Variants in NDUFAF6 observed in about 807,000 individuals in gnomAD.
NDUFAF6 encodes the protein NADH dehydrogenase (ubiquinone) complex I, assembly factor 6.
NDUFAF6 carries 45 observed loss-of-function variants against 40.8 expected under a neutral mutation model. That is an observed-to-expected ratio of 1.10 (90% CI 0.87 to 1.42). The LOEUF (loss-of-function observed/expected upper bound fraction) is 1.42. Ranked by LOEUF, NDUFAF6 falls within the 40% of genes most tolerant of loss-of-function variation. NDUFAF6 has a pLI of 0.00. For missense variants in NDUFAF6, 435 were observed against 418.5 expected (o/e 1.04, Z -0.34); for synonymous variants, 185 against 155.9 (o/e 1.19, Z -1.39).
chr8:94,920,672 C>T (rs1819438943), intron 1 of NDUFAF6, among the ~76,000 whole-genome samples: 1 of 152,194 alleles, frequency 6.6e-6, no homozygotes, highest in South Asian at 2.1e-4. Flanking sequence ...TCTGCCCAGG[C>T]ATGGGTGCTT....
At chr8:94,942,639 G>A (rs993122578) in intron 1 of NDUFAF6, among the ~76,000 whole-genome samples, 1 of 152,240 alleles carries the variant, frequency 6.6e-6, no homozygotes, top group African/African-American at 2.4e-5. Flanking sequence ...GGGCACAGGG[G>A]AGATGGCTGT....
At chr8:94,916,517 TA>T (rs1394761550) in intron 1 of NDUFAF6, among the ~76,000 whole-genome samples, 1 of 152,058 alleles carries the variant, frequency 6.6e-6, no homozygotes, top group Non-Finnish European at 1.5e-5. Flanking sequence ...TTCCACCTAT[TA>T]AAAAACAAAA....
At chr8:95,098,814 C>T (rs1377408591), upstream of NDUFAF6, among the ~76,000 whole-genome samples, 7 of 151,324 alleles carry the variant, frequency 4.6e-5, no homozygotes, top group Non-Finnish European at 7.4e-5. Context: ...CCCAGCTACC[C>T]GGCAGGCTGA....
chr8:95,083,525 A>G (rs73697066), intron 2 of NDUFAF6, among the ~76,000 whole-genome samples: 9,321 of 152,250 alleles, frequency 0.061, 892 homozygotes, highest in African/African-American at 0.21. Context: ...TTACTGTGCT[A>G]TGGTTCCCTT....
intron 2 of NDUFAF6, among the ~76,000 whole-genome samples, chr8:95,094,453 C>T (rs1395162120): frequency 1.5e-5 from 2 of 133,828 alleles, no homozygotes; most frequent in Non-Finnish European, 3.1e-5. Context: ...CACTCTGTTG[C>T]CCAGGCTGGA....
At chr8:95,030,294 T>G (rs1056136358) in intron 1 of NDUFAF6, among the ~76,000 whole-genome samples, 8 of 152,126 alleles carry the variant, frequency 5.3e-5, no homozygotes, top group African/African-American at 1.9e-4. Flanking sequence ...GGCATGATCA[T>G]AGCTCACTGT....
chr8:95,069,506 A>T (rs1489298047), intron 9 of NDUFAF6, among the ~76,000 whole-genome samples: 1 of 151,618 alleles, frequency 6.6e-6, no homozygotes, highest in African/African-American at 2.4e-5. Context: ...TTGGCTCGGC[A>T]TGGTGGCTCA....
chr8:94,927,241 T>TG (rs1563716109), intron 1 of NDUFAF6: 2 of 152,640 alleles, frequency 1.3e-5, no homozygotes, highest in Non-Finnish European at 2.9e-5. Flanking sequence ...CTTGCTCGTT[T>TG]TTCTTAAGAG....
chr8:94,941,116 T>A (rs1821486876), intron 1 of NDUFAF6: 1 of 586,898 alleles, frequency 1.7e-6, no homozygotes, highest in Non-Finnish European at 3.0e-6. Flanking sequence ...AAAAAGGAAG[T>A]TATTTCAAAT....
intron 1 of NDUFAF6, chr8:94,926,170 T>C (rs1819873274): frequency 6.6e-6 from 1 of 152,516 alleles, no homozygotes; most frequent in Admixed American, 6.6e-5. Flanking sequence ...GTATAAAAAA[T>C]TTCTATAAAA....
At chr8:94,940,792 T>C (rs768954048) in intron 1 of NDUFAF6, 5 of 1,488,436 alleles carry the variant, frequency 3.4e-6, no homozygotes, top group East Asian at 2.3e-5. Context: ...CCATTTTTAC[T>C]GTGAAGATGA....
intron 1 of NDUFAF6, among the ~76,000 whole-genome samples, chr8:94,976,915 C>T (rs977754302): frequency 6.6e-6 from 1 of 151,978 alleles, no homozygotes; most frequent in African/African-American, 2.4e-5. Flanking sequence ...CTTTGGGAAG[C>T]CCAGTCAGGC....
At chr8:94,899,020 TTG>T (rs1168924307) in intron 1 of NDUFAF6, among the ~76,000 whole-genome samples, 2 of 152,236 alleles carry the variant, frequency 1.3e-5, no homozygotes, top group African/African-American at 4.8e-5. Flanking sequence ...TTAATGAAAC[TTG>T]CTTATCCTTC....
chr8:95,074,365 T>C (rs1832968228), intron 9 of NDUFAF6, among the ~76,000 whole-genome samples: 1 of 152,130 alleles, frequency 6.6e-6, no homozygotes, highest in African/African-American at 2.4e-5. Context: ...CTTGTGTGGC[T>C]CGTGTGCTCT....
chr8:95,097,746 G>C (rs951336034), upstream of NDUFAF6, among the ~76,000 whole-genome samples: 7 of 152,128 alleles, frequency 4.6e-5, no homozygotes, highest in African/African-American at 1.4e-4. Context: ...TCCATCTTCT[G>C]CCTGTATTGG....
chr8:95,018,318 T>C (rs1230453019), intron 2 of NDUFAF6, among the ~76,000 whole-genome samples: 1 of 152,042 alleles, frequency 6.6e-6, no homozygotes, highest in Non-Finnish European at 1.5e-5. Context: ...ATTACAGGTG[T>C]GAGCTACCAC....
At chr8:95,095,579 C>T (rs1184381042), upstream of NDUFAF6, among the ~76,000 whole-genome samples, 1 of 152,074 alleles carries the variant, frequency 6.6e-6, no homozygotes, top group African/African-American at 2.4e-5. Context: ...GCTCCTCAGT[C>T]TCTCCTAAAT....
At chr8:94,952,275 C>T (rs1291736295) in intron 2 of NDUFAF6, among the ~76,000 whole-genome samples, 2 of 152,232 alleles carry the variant, frequency 1.3e-5, no homozygotes, top group Non-Finnish European at 1.5e-5. Flanking sequence ...CATAACCCTG[C>T]CAGTTGCATC....
At chr8:94,999,868 A>T (rs1010069208) in intron 2 of NDUFAF6, among the ~76,000 whole-genome samples, 1 of 152,230 alleles carries the variant, frequency 6.6e-6, no homozygotes, top group African/African-American at 2.4e-5. Flanking sequence ...TCCCTGATTT[A>T]TATGACCATG....
Sources: gnomAD v4.1 joint callset for allele counts (sites outside exome capture counted in the v4.1 genomes callset) on GRCh38, gnomAD v4.1.1 for gene constraint, MANE v1.5 for transcripts, NCBI Gene and HGNC (gene_info 2026-07-23, HGNC 2026-07-21) for gene names.